The following TENM1 variants were observed in gnomAD, a reference collection of about 807,000 sequenced individuals.
TENM1 encodes the protein teneurin-1.
TENM1 carries 35 observed loss-of-function variants against 174.8 expected under a neutral mutation model. That is an observed-to-expected ratio of 0.20 (90% CI 0.15 to 0.27). TENM1 has a LOEUF of 0.27. Ranked by LOEUF, TENM1 falls within the 10% of genes least tolerant of loss-of-function variation. The pLI is 1.00. For missense variants in TENM1, 1,633 were observed against 2,130.1 expected, an observed-to-expected ratio of 0.77 and a Z score of 4.59; for synonymous variants, 781 against 798.7, an observed-to-expected ratio of 0.98 and a Z score of 0.37.
chrX:124,990,014 C>T, the TENM1 span, among the ~76,000 whole-genome samples: 1 of 111,579 alleles, frequency 9.0e-6, no homozygotes, highest in East Asian at 2.8e-4. Context: ...TGTATAAAAG[C>T]TGACTATGTG....
chrX:124,913,220 T>C (rs746384975), intron 1 of TENM1, among the ~76,000 whole-genome samples: 1 of 111,071 alleles, frequency 9.0e-6, no homozygotes, highest in Admixed American at 9.6e-5. Context: ...TTTACAAATA[T>C]AAAGAAAAAA....
intron 1 of TENM1, among the ~76,000 whole-genome samples, chrX:124,929,250 G>A (rs1005935089): frequency 3.6e-5 from 4 of 111,725 alleles, no homozygotes; most frequent in Non-Finnish European, 5.6e-5. Flanking sequence ...TCCCTCGAAT[G>A]TGGCATTTGA....
rs1021235828 is a variant in TENM1 at position 124,869,237 on chromosome X, A to G, written c.535+25059T>C. Among the ~76,000 whole-genome samples, 11 of 104,961 alleles carry G rather than the reference A, an allele frequency of 1.0e-4. 1 individual carries two copies. Among genetic ancestry groups the G allele is most frequent in the Non-Finnish European group, 2.2e-4 (11 of 50,754 alleles). The allele number at this position is 104,961 out of a possible 115,157, so 91.1% of individuals were successfully genotyped here. On this transcript the variant is annotated intron_variant, in intron 3 of 31. Coordinates refer to ENST00000422452, the Ensembl canonical transcript of TENM1. ...CACAGAGCGAGACCCTGTTTCAAGG[A>G]AAAAAAAAAAGATGATTTTACCCTA...
the TENM1 span, among the ~76,000 whole-genome samples, chrX:125,159,032 A>G: frequency 1.8e-5 from 2 of 111,278 alleles, no homozygotes; most frequent in Non-Finnish European, 3.8e-5. Flanking sequence ...ACAGTCTAGC[A>G]GCACATGAAG....
the TENM1 span, among the ~76,000 whole-genome samples, chrX:125,201,261 C>T: frequency 8.9e-6 from 1 of 112,165 alleles, no homozygotes; most frequent in Non-Finnish European, 1.9e-5. Context: ...TGAATTGAAA[C>T]ACTGAGAATT....
At chrX:124,684,830 G>A (rs764262124) in intron 5 of TENM1, among the ~76,000 whole-genome samples, 2 of 111,313 alleles carry the variant, frequency 1.8e-5, no homozygotes, top group East Asian at 2.8e-4. Context: ...CTAGGGCCAG[G>A]CCATCTTCCA....
At chrX:124,533,148 A>G (rs2048141874) in intron 15 of TENM1, among the ~76,000 whole-genome samples, 1 of 111,545 alleles carries the variant, frequency 9.0e-6, no homozygotes, top group Non-Finnish European at 1.9e-5. Context: ...GAGCCTTCAT[A>G]TATATTCTTT....
intron 25 of TENM1, 46 bp from the exon 29 acceptor site, chrX:124,406,535 T>A: frequency 5.3e-6 from 5 of 937,537 alleles, no homozygotes; most frequent in Non-Finnish European, 7.3e-6. Flanking sequence ...TCGGCAGTGA[T>A]AACAGGACTT....
At chrX:124,509,971 G>A (rs1248242032) in intron 18 of TENM1, among the ~76,000 whole-genome samples, 1 of 111,461 alleles carries the variant, frequency 9.0e-6, no homozygotes, top group Admixed American at 9.5e-5. Flanking sequence ...TCATCCACCC[G>A]CCTTGGCCTC....
chrX:124,890,982 C>A (rs1285630279), intron 3 of TENM1, among the ~76,000 whole-genome samples: 3 of 111,638 alleles, frequency 2.7e-5, no homozygotes, highest in African/African-American at 9.8e-5. Context: ...AGAATGAAAT[C>A]TTGTCATTTG....
At chrX:124,882,932 A>T (rs2057324860) in intron 3 of TENM1, among the ~76,000 whole-genome samples, 1 of 111,845 alleles carries the variant, frequency 8.9e-6, no homozygotes, top group African/African-American at 3.3e-5. Flanking sequence ...TTCTTTCAGC[A>T]GTGTTTTTAA....
chrX:124,381,326 A>T (rs1004085193), intron 31 of TENM1, 32 bp from the exon 35 acceptor site: 1 of 1,152,578 alleles, frequency 8.7e-7, no homozygotes, highest in African/African-American at 1.8e-5. Flanking sequence ...CAGATGCAGC[A>T]TGGAGTTAGA....
chrX:124,894,850 C>T (rs1459665616), intron 2 of TENM1, among the ~76,000 whole-genome samples: 1 of 111,864 alleles, frequency 8.9e-6, no homozygotes, highest in Non-Finnish European at 1.9e-5. Flanking sequence ...CTTTCACTTA[C>T]ATGAATATGC....
the TENM1 span, among the ~76,000 whole-genome samples, chrX:125,095,053 G>A: frequency 9.0e-6 from 1 of 111,615 alleles, no homozygotes; most frequent in African/African-American, 3.3e-5. Context: ...TCTTACAAAT[G>A]AGGAACTGAT....
At chrX:125,026,946 T>C in the TENM1 span, among the ~76,000 whole-genome samples, 2 of 111,525 alleles carry the variant, frequency 1.8e-5, no homozygotes, top group South Asian at 7.5e-4. Flanking sequence ...AGGGTATCTA[T>C]TAAAAACCTG....
chrX:124,558,508 C>A (rs979965404), intron 14 of TENM1, among the ~76,000 whole-genome samples: 14 of 111,237 alleles, frequency 1.3e-4, no homozygotes, highest in African/African-American at 4.6e-4. Context: ...CACATATACA[C>A]ACATGCACAA....
chrX:124,726,750 T>C (rs2053450821), intron 4 of TENM1, among the ~76,000 whole-genome samples: 1 of 111,033 alleles, frequency 9.0e-6, no homozygotes, highest in East Asian at 2.8e-4. Flanking sequence ...AAAAACTACT[T>C]ATAAATGTTA....
the TENM1 span, among the ~76,000 whole-genome samples, chrX:125,185,699 C>T: frequency 8.9e-6 from 1 of 111,798 alleles, no homozygotes; most frequent in Non-Finnish European, 1.9e-5. Context: ...TAAAGGTCAC[C>T]CTTGTAATTC....
intron 3 of TENM1, among the ~76,000 whole-genome samples, chrX:124,822,545 C>T (rs761553683): frequency 1.2e-4 from 13 of 112,002 alleles, no homozygotes; most frequent in African/African-American, 1.6e-4. Context: ...TTCAAGCTTC[C>T]ACTGCACTTG....
Sources: gnomAD v4.1 joint callset for allele counts (sites outside exome capture counted in the v4.1 genomes callset) on GRCh38, gnomAD v4.1.1 for gene constraint, MANE v1.5 for transcripts, NCBI Gene and HGNC (gene_info 2026-07-23, HGNC 2026-07-21) for gene names.